The following RERE variants were observed in gnomAD, a reference collection of about 807,000 sequenced individuals.
RERE encodes the protein arginine-glutamic acid dipeptide repeats, also known as arginine-glutamic acid dipeptide repeats protein.
In RERE, 40 loss-of-function variants were observed where a neutral mutation model predicts 146.1. The ratio of observed to expected loss-of-function variants is 0.27; its 90% CI spans 0.21 to 0.36. RERE has a LOEUF of 0.36. Among genes scored for constraint, RERE ranks in the 10% least tolerant of loss-of-function variants. RERE has a pLI of 1.00. For synonymous variants in RERE, 1,003 were observed against 866.0 expected (o/e 1.16, Z -2.78); for missense variants, 1,933 against 2,138.7 (o/e 0.90, Z 1.90).
rs373344787 is a variant in RERE, at chr1:8,515,640, A to AAAC, written c.831-6968_831-6966dup. Among the ~76,000 whole-genome samples the AAAC allele has an allele frequency of 6.6e-3, 996 of 151,924 alleles. 9 individuals are homozygous for AAAC. Among genetic ancestry groups the AAAC allele is most frequent in the African/African-American group, 0.019 (801 of 41,382 alleles). ...AGCAAGACTGTCTCAAAAAACAAAC[A>AAAC]AACAACAACAACAACAACAACAAAA... On this transcript the variant is annotated intron_variant, in intron 7 of 22. Transcript: ENST00000400908.
intron 4 of RERE, among the ~76,000 whole-genome samples, chr1:8,605,937 T>A (rs1468757800): frequency 6.9e-6 from 1 of 144,348 alleles, no homozygotes; most frequent in Non-Finnish European, 1.5e-5. Flanking sequence ...CTCAGCCTCC[T>A]GGGCTCAAAC....
At position 8,412,283 on chromosome 1, in the gene RERE, G is replaced by A. The variant is rs192797743; in HGVS notation, c.1284+10444C>T. Among the ~76,000 whole-genome samples the A allele has an allele frequency of 1.2e-4, 18 of 152,268 alleles. No individual in the cohort carries two copies. The East Asian group carries it at 3.3e-3, about 28-fold the overall frequency. On this transcript the variant is annotated intron_variant, in intron 12 of 22. Coordinates refer to ENST00000400908, the MANE Select transcript of RERE (RefSeq NM_001042681.2). ...AAGTCTCCAGCTTAATATTGCTCCC[G>A]ACACCCTCTGTGGTGGTTCACTCAT... is the stretch of plus-strand genomic sequence containing the variant.
intron 4 of RERE, among the ~76,000 whole-genome samples, chr1:8,596,965 GTCAAAAGCA>G (rs997438458): frequency 1.3e-5 from 2 of 152,150 alleles, no homozygotes; most frequent in African/African-American, 4.8e-5. Flanking sequence ...TTTAAGAAAG[GTCAAAAGCA>G]TTAACATGAC....
intron 1 of RERE, chr1:8,806,713 G>C (rs568401369): frequency 2.0e-5 from 3 of 152,124 alleles, no homozygotes; most frequent in South Asian, 4.2e-4. Context: ...CTCTTCCTCC[G>C]GGAGTTTGCA....
intron 1 of RERE, among the ~76,000 whole-genome samples, chr1:8,669,599 C>G (rs960094678): frequency 2.0e-5 from 3 of 152,152 alleles, no homozygotes; most frequent in Non-Finnish European, 4.4e-5. Flanking sequence ...CTGAGAAAAA[C>G]CACCTTTTAA....
chr1:8,757,436 G>A (rs975794874), intron 1 of RERE, among the ~76,000 whole-genome samples: 5 of 152,230 alleles, frequency 3.3e-5, no homozygotes, highest in Admixed American at 6.5e-5. Context: ...ATTCTCTACT[G>A]CATCACTAAT....
At chr1:8,404,639 G>C (rs1221028201) in intron 12 of RERE, among the ~76,000 whole-genome samples, 1 of 152,196 alleles carries the variant, frequency 6.6e-6, no homozygotes, top group Non-Finnish European at 1.5e-5. Flanking sequence ...CTCTCCCACA[G>C]TAATTGTTGA....
intron 1 of RERE, among the ~76,000 whole-genome samples, chr1:8,774,956 T>C (rs1162331667): frequency 1.8e-4 from 17 of 92,054 alleles, no homozygotes; most frequent in Non-Finnish European, 3.7e-4. Flanking sequence ...TCTTTCTTTT[T>C]TTTTTTTTTT....
intron 1 of RERE, among the ~76,000 whole-genome samples, chr1:8,731,972 T>C (rs2124488673): frequency 6.6e-6 from 1 of 152,162 alleles, no homozygotes; most frequent in East Asian, 1.9e-4. Flanking sequence ...CCGGCTAATT[T>C]TTTTGTATTT....
chr1:8,720,486 C>T (rs868294990), intron 1 of RERE, among the ~76,000 whole-genome samples: 7 of 151,834 alleles, frequency 4.6e-5, no homozygotes, highest in South Asian at 2.1e-4. Flanking sequence ...GGGTAGGTAC[C>T]AGCTGGAGAG....
At chr1:8,660,412 T>C (rs1638428646) in intron 1 of RERE, among the ~76,000 whole-genome samples, 1 of 152,202 alleles carries the variant, frequency 6.6e-6, no homozygotes, top group South Asian at 2.1e-4. Flanking sequence ...ATCTTTATTA[T>C]AGCACCATGA....
chr1:8,494,679 C>T (rs923065466), intron 10 of RERE, among the ~76,000 whole-genome samples: 4 of 151,816 alleles, frequency 2.6e-5, no homozygotes, highest in East Asian at 3.9e-4. Context: ...GCTGAGATCG[C>T]GCCACTGCCA....
At chr1:8,469,020 G>C (rs1373397001) in intron 10 of RERE, among the ~76,000 whole-genome samples, 2 of 152,140 alleles carry the variant, frequency 1.3e-5, no homozygotes, top group Non-Finnish European at 2.9e-5. Context: ...ATGCGACCTT[G>C]AGAGAGTTAC....
At chr1:8,781,131 G>A (rs1045886843) in intron 1 of RERE, among the ~76,000 whole-genome samples, 3 of 152,024 alleles carry the variant, frequency 2.0e-5, no homozygotes, top group Non-Finnish European at 4.4e-5. Context: ...CCCAAGGCAG[G>A]CGGATCACAA....
intron 1 of RERE, among the ~76,000 whole-genome samples, chr1:8,666,115 A>G (rs975871216): frequency 6.6e-6 from 1 of 152,208 alleles, no homozygotes; most frequent in East Asian, 1.9e-4. Flanking sequence ...GAGTTATCCA[A>G]TACAGTAGGT....
rs112943726 is a variant in RERE at position 8,423,851 on chromosome 1, C to T, written c.1204-1044G>A. On this transcript the variant is annotated intron_variant, in intron 11 of 22. Coordinates refer to ENST00000400908, the MANE Select transcript of RERE (RefSeq NM_001042681.2). The surrounding 1 kb of genome is among the most constrained non-coding windows in gnomAD (Gnocchi z 5.4). The stretch of plus-strand genomic sequence containing the variant: ...AAAAGGCGGCCTGGATTGCCGCCGC[C>T]CTCCTGTCCGCCAGCCGGGGCCCCG... Among the ~76,000 whole-genome samples the T allele has an allele frequency of 6.7e-6, 1 of 149,226 alleles. No individual in the cohort carries two copies. The highest frequency in any genetic ancestry group is 2.4e-5 in the African/African-American group (1 of 41,048).
intron 1 of RERE, among the ~76,000 whole-genome samples, chr1:8,665,571 C>T (rs184547865): frequency 5.3e-5 from 8 of 152,090 alleles, no homozygotes; most frequent in East Asian, 1.9e-4. Context: ...GATAAGGAGA[C>T]GCAAAGAGAA....
chr1:8,633,323 T>C (rs1266710239), intron 2 of RERE, among the ~76,000 whole-genome samples: 1 of 151,750 alleles, frequency 6.6e-6, no homozygotes, highest in African/African-American at 2.4e-5. Flanking sequence ...CTTAGGAGGT[T>C]GAGGTGGGAG....
chr1:8,547,883 A>G (rs1163396285), intron 6 of RERE, among the ~76,000 whole-genome samples: 2 of 152,230 alleles, frequency 1.3e-5, no homozygotes, highest in African/African-American at 4.8e-5. Flanking sequence ...GTTCCCAATG[A>G]TAAGAAAATA....
Sources: allele counts gnomAD v4.1 joint callset (sites outside exome capture counted in the v4.1 genomes callset), GRCh38; gene constraint gnomAD v4.1.1; non-coding constraint Gnocchi (gnomAD v3.1); transcripts MANE v1.5; gene names NCBI Gene and HGNC (gene_info 2026-07-23, HGNC 2026-07-21).